ADAMTS19: variants seen among roughly 807,000 people sequenced by gnomAD.
ADAMTS19 encodes ADAM metallopeptidase with thrombospondin type 1 motif 19.
ADAMTS19 carries 93 observed loss-of-function variants against 153.3 expected under a neutral mutation model. The ratio of observed to expected loss-of-function variants is 0.61; its 90% CI spans 0.51 to 0.72. The LOEUF is 0.72. Ranked by LOEUF, ADAMTS19 falls within the 30% of genes least tolerant of loss-of-function variation. The pLI is 0.00. For missense variants in ADAMTS19, 1,482 were observed against 1,552.1 expected (o/e 0.95, Z 0.76); for synonymous variants, 600 against 556.6 (o/e 1.08, Z -1.10).
chr5:129,461,090 C>A lies in ADAMTS19; in HGVS notation c.92-12C>A. 2.9e-6 allele frequency: 4 copies of A among 1,385,774 alleles called. No individual in the cohort carries two copies. Among genetic ancestry groups the A allele is most frequent in the East Asian group, 3.0e-5 (1 of 32,808 alleles). 85.8% of individuals were successfully genotyped at this position (1,385,774 alleles called of 1,614,324 possible). The stretch of plus-strand genomic sequence containing the variant: ...ACTTTAAGCCCCGCACTTCTGTCTG[C>A]CCCGCCCGCAGAGCTGCAGTTCGCC... On this transcript the variant is annotated splice_polypyrimidine_tract_variant and intron_variant, in intron 1 of 22. Coordinates refer to ENST00000274487, the MANE Select transcript of ADAMTS19 (RefSeq NM_133638.6). This position sits in a 1 kb window ranked among gnomAD's most constrained non-coding sequence, Gnocchi z 4.6.
At chr5:129,653,301 A>T (rs1213285728) in intron 13 of ADAMTS19, among the ~76,000 whole-genome samples, 1 of 152,196 alleles carries the variant, frequency 6.6e-6, no homozygotes, top group African/African-American at 2.4e-5. Context: ...ATAGAGTAGT[A>T]ATGTAGCATG....
At chr5:129,618,825 C>A (rs1384758148) in intron 8 of ADAMTS19, among the ~76,000 whole-genome samples, 1 of 152,028 alleles carries the variant, frequency 6.6e-6, no homozygotes, top group Non-Finnish European at 1.5e-5. Context: ...TTCTCTGCTT[C>A]TTCAGTACTA....
chr5:129,638,886 A>G (rs551306178), intron 10 of ADAMTS19, among the ~76,000 whole-genome samples: 21 of 152,212 alleles, frequency 1.4e-4, no homozygotes, highest in Non-Finnish European at 2.9e-4. Context: ...GATAAATTTT[A>G]TAATATTTGT....
chr5:129,733,847 C>T (rs1331294311), intron 21 of ADAMTS19, among the ~76,000 whole-genome samples: 1 of 151,894 alleles, frequency 6.6e-6, no homozygotes, highest in Non-Finnish European at 1.5e-5. Flanking sequence ...CAAAAAGACA[C>T]CTCCACTCAT....
chr5:129,650,193 C>T (rs1322975051), intron 13 of ADAMTS19, among the ~76,000 whole-genome samples: 2 of 152,110 alleles, frequency 1.3e-5, no homozygotes, highest in African/African-American at 2.4e-5. Flanking sequence ...AATGATAATA[C>T]TTGCCCATGG....
Position 129,670,167 on chromosome 5 carries a change from A to C in ADAMTS19, c.2506+4588A>C, listed in dbSNP as rs534579437. ...CTCTAACCAAGCCACTCTGTATTAC[A>C]TTGTCCTGCTTTATTTTCTGTATTG... On this transcript the variant is annotated intron_variant, in intron 16 of 22. Transcript: ENST00000274487. Among the ~76,000 whole-genome samples, 6 of 152,164 alleles carry C rather than the reference A, an allele frequency of 3.9e-5. No individual in the cohort carries two copies. In the South Asian group the frequency reaches 1.2e-3, roughly 32 times the overall value.
chr5:129,542,623 G>A (rs1313939280), intron 6 of ADAMTS19, among the ~76,000 whole-genome samples: 2 of 152,096 alleles, frequency 1.3e-5, no homozygotes, highest in South Asian at 4.1e-4. Context: ...GAAAAGTTTA[G>A]GGTAGGACAG....
rs148121610 is a variant in ADAMTS19, at chr5:129,731,150, G to A, written c.3313-3782G>A. ...ATTTTTGTATTTTTAGTAGAGATGGGGTTTCGCCATGTTGGACAGGCTGGT... is the reference window on the plus strand; with the variant it reads ...ATTTTTGTATTTTTAGTAGAGATGGAGTTTCGCCATGTTGGACAGGCTGGT... On this transcript the variant is annotated intron_variant, in intron 21 of 22. Coordinates refer to ENST00000274487, the MANE Select transcript of ADAMTS19 (RefSeq NM_133638.6). 1.2e-4 allele frequency among the ~76,000 whole-genome samples: 19 copies of A among 152,006 alleles called. No homozygotes were observed. In the East Asian group the frequency reaches 3.3e-3, roughly 26 times the overall value.
intron 7 of ADAMTS19, among the ~76,000 whole-genome samples, chr5:129,579,265 C>T (rs912646677): frequency 2.0e-5 from 3 of 152,108 alleles, no homozygotes; most frequent in African/African-American, 7.2e-5. Context: ...TGTTCATATC[C>T]TTAGCCCACT....
chr5:129,700,743 T>C (rs1382813653), intron 19 of ADAMTS19, among the ~76,000 whole-genome samples: 1 of 152,014 alleles, frequency 6.6e-6, no homozygotes, highest in East Asian at 1.9e-4. Context: ...TCCCACAGTA[T>C]AGTGATATGG....
chr5:129,582,414 A>G (rs1749559657), intron 7 of ADAMTS19, among the ~76,000 whole-genome samples: 1 of 151,276 alleles, frequency 6.6e-6, no homozygotes, highest in Non-Finnish European at 1.5e-5. Context: ...CTAGGATTGC[A>G]ACCTCTGCTC....
At chr5:129,479,361 C>A (rs1750336183) in intron 2 of ADAMTS19, among the ~76,000 whole-genome samples, 1 of 152,064 alleles carries the variant, frequency 6.6e-6, no homozygotes, top group Admixed American at 6.6e-5. Flanking sequence ...CTTTCTGTTT[C>A]CTTTCTGATG....
intron 2 of ADAMTS19, among the ~76,000 whole-genome samples, chr5:129,487,744 C>T (rs902998691): frequency 6.6e-6 from 1 of 151,958 alleles, no homozygotes; most frequent in African/African-American, 2.4e-5. Context: ...TCTAGATGTG[C>T]TTTTTTCTAT....
At chr5:129,623,208 G>A (rs923516731) in intron 10 of ADAMTS19, among the ~76,000 whole-genome samples, 1 of 152,130 alleles carries the variant, frequency 6.6e-6, no homozygotes, top group Non-Finnish European at 1.5e-5. Context: ...TAATATTCCA[G>A]TAGTCAGTAA....
At chr5:129,506,653 A>C (rs1751278078) in intron 2 of ADAMTS19, among the ~76,000 whole-genome samples, 1 of 151,936 alleles carries the variant, frequency 6.6e-6, no homozygotes, top group Non-Finnish European at 1.5e-5. Context: ...TTTCAGACTA[A>C]TTTACCTGCT....
At chr5:129,496,067 A>G (rs548586343) in intron 2 of ADAMTS19, among the ~76,000 whole-genome samples, 1 of 152,136 alleles carries the variant, frequency 6.6e-6, no homozygotes, top group Non-Finnish European at 1.5e-5. Flanking sequence ...GAAACAGGCC[A>G]TGAAAGAAAG....
At chr5:129,569,457 T>C (rs942349517) in intron 7 of ADAMTS19, among the ~76,000 whole-genome samples, 15 of 152,010 alleles carry the variant, frequency 9.9e-5, no homozygotes, top group Admixed American at 9.2e-4. Flanking sequence ...ATAGAAAAAT[T>C]GAAAACCACC....
At chr5:129,690,180 T>C (rs747863574) in intron 18 of ADAMTS19, among the ~76,000 whole-genome samples, 3 of 152,180 alleles carry the variant, frequency 2.0e-5, no homozygotes, top group Admixed American at 2.0e-4. Context: ...TCACAGTCCA[T>C]CTAGTGGAAG....
intron 17 of ADAMTS19, among the ~76,000 whole-genome samples, chr5:129,681,204 C>G (rs1052798178): frequency 7.9e-5 from 12 of 152,148 alleles, no homozygotes; most frequent in African/African-American, 2.9e-4. Context: ...TGCAGATTAC[C>G]TGGGGTTCTT....
Sources: gnomAD v4.1 joint callset for allele counts (sites outside exome capture counted in the v4.1 genomes callset) on GRCh38, gnomAD v4.1.1 for gene constraint, Gnocchi (gnomAD v3.1) non-coding constraint, MANE v1.5 for transcripts, NCBI Gene and HGNC (gene_info 2026-07-23, HGNC 2026-07-21) for gene names.